CDH8: variants seen among roughly 807,000 people sequenced by gnomAD.
CDH8 encodes the protein cadherin 8.
Under a neutral mutation model 68.1 loss-of-function variants are expected in CDH8, and 17 were observed. The ratio of observed to expected loss-of-function variants is 0.25; its 90% confidence interval spans 0.17 to 0.37. CDH8 has a LOEUF of 0.37. Ranked by LOEUF, CDH8 falls within the 10% of genes least tolerant of loss-of-function variation. The pLI is 1.00. For synonymous variants in CDH8, 372 were observed against 365.1 expected (o/e 1.02, Z -0.21); for missense variants, 763 against 999.3 (o/e 0.76, Z 3.19).
In CDH8 at chr16:61,738,648, T is replaced by C. The variant is rs577935406; in HGVS notation, c.1415-11433A>G. On this transcript the variant is annotated intron_variant, in intron 8 of 11. Transcript: ENST00000577390. ...ATGAGAGACAGTTTATAAAAATCAA[T>C]AGTGTGAATGAGCATGGAACTATTA... Among the ~76,000 whole-genome samples, 12 of 152,254 alleles carry C rather than the reference T, an allele frequency of 7.9e-5. No individual in the cohort carries two copies. The South Asian group carries it at 1.9e-3, about 24-fold the overall frequency.
intron 2 of CDH8, among the ~76,000 whole-genome samples, chr16:61,922,051 C>A (rs1018260487): frequency 6.6e-6 from 1 of 151,974 alleles, no homozygotes; most frequent in Non-Finnish European, 1.5e-5. Context: ...GAGGTCACAT[C>A]GATTCTAAGC....
At chr16:61,817,057 T>C (rs1962091596) in intron 7 of CDH8, among the ~76,000 whole-genome samples, 1 of 152,090 alleles carries the variant, frequency 6.6e-6, no homozygotes, top group African/African-American at 2.4e-5. Context: ...TAAATTCTAA[T>C]ATATAATTCA....
chr16:61,739,734 A>AAAAAGAAAAGAAAAGAAAAGAAAAG (rs529131501), intron 8 of CDH8, among the ~76,000 whole-genome samples: 121 of 142,056 alleles, frequency 8.5e-4, no homozygotes, highest in African/African-American at 2.9e-3. Context: ...CCTCAAAAAA[A>AAAAAGAAAAGAAAAGAAAAGAAAAG]AAAAGAAAAG....
chr16:61,975,914 C>T (rs925438585), intron 2 of CDH8, among the ~76,000 whole-genome samples: 1 of 152,108 alleles, frequency 6.6e-6, no homozygotes, highest in African/African-American at 2.4e-5. Context: ...GAGTGCATGA[C>T]AGTAAGATAA....
At chr16:61,954,587 G>C (rs991428905) in intron 2 of CDH8, among the ~76,000 whole-genome samples, 1 of 151,304 alleles carries the variant, frequency 6.6e-6, no homozygotes, top group Non-Finnish European at 1.5e-5. Context: ...CTGTAGTCCC[G>C]GCTACTCAGG....
chr16:61,933,686 G>A (rs2143495387), intron 2 of CDH8, among the ~76,000 whole-genome samples: 1 of 152,168 alleles, frequency 6.6e-6, no homozygotes, highest in East Asian at 1.9e-4. Flanking sequence ...TAATCTATGT[G>A]CCTGTTTTTT....
At chr16:61,957,817 G>A (rs774736379) in intron 2 of CDH8, among the ~76,000 whole-genome samples, 4 of 151,804 alleles carry the variant, frequency 2.6e-5, no homozygotes, top group African/African-American at 4.8e-5. Context: ...GCTGACCACC[G>A]TACAGAAAGC....
At chr16:61,779,233 C>T (rs1960978925) in intron 8 of CDH8, among the ~76,000 whole-genome samples, 1 of 152,068 alleles carries the variant, frequency 6.6e-6, no homozygotes. Flanking sequence ...TTAAAATGAG[C>T]ATTCAGTGCA....
chr16:61,963,299 A>G (rs1965190680), intron 2 of CDH8, among the ~76,000 whole-genome samples: 1 of 152,184 alleles, frequency 6.6e-6, no homozygotes, highest in African/African-American at 2.4e-5. Flanking sequence ...AATTGACACA[A>G]GGTGTCTAAA....
At chr16:61,722,694 T>C (rs1482985213) in intron 9 of CDH8, among the ~76,000 whole-genome samples, 1 of 150,786 alleles carries the variant, frequency 6.6e-6, no homozygotes, top group African/African-American at 2.4e-5. Flanking sequence ...TTTAGAGCCA[T>C]GATTCTAAGA....
At chr16:61,987,862 T>G (rs73568711) in intron 2 of CDH8, among the ~76,000 whole-genome samples, 1,696 of 152,258 alleles carry the variant, frequency 0.011, 33 homozygotes, top group African/African-American at 0.038. Flanking sequence ...TCAGGCACTT[T>G]GTATGAATTG....
At chr16:61,983,755 T>C (rs1965576979) in intron 2 of CDH8, among the ~76,000 whole-genome samples, 1 of 152,190 alleles carries the variant, frequency 6.6e-6, no homozygotes, top group Admixed American at 6.5e-5. Context: ...TTTCTCACAG[T>C]TCTGGGGACT....
At chr16:62,014,512 C>T (rs755943916) in intron 2 of CDH8, among the ~76,000 whole-genome samples, 5 of 152,134 alleles carry the variant, frequency 3.3e-5, no homozygotes, top group Non-Finnish European at 5.9e-5. Flanking sequence ...GCTGTGACTG[C>T]GTAGTCCAAC....
chr16:61,830,475 G>A (rs937256774), intron 4 of CDH8, among the ~76,000 whole-genome samples: 6 of 151,846 alleles, frequency 4.0e-5, no homozygotes, highest in South Asian at 4.1e-4. Context: ...ATTCTGACTC[G>A]CTATTTGCCA....
intron 2 of CDH8, among the ~76,000 whole-genome samples, chr16:62,001,571 C>T (rs141720357): frequency 8.4e-4 from 128 of 152,244 alleles, no homozygotes; most frequent in African/African-American, 2.4e-3. Context: ...ATTTACATAG[C>T]GATCTTCTCC....
At chr16:61,963,234 C>T (rs1965189956) in intron 2 of CDH8, among the ~76,000 whole-genome samples, 1 of 152,086 alleles carries the variant, frequency 6.6e-6, no homozygotes, top group Non-Finnish European at 1.5e-5. Flanking sequence ...AAACTGGACC[C>T]TAGGCACACC....
intron 3 of CDH8, among the ~76,000 whole-genome samples, chr16:61,873,353 A>G (rs1391959563): frequency 6.6e-6 from 1 of 152,156 alleles, no homozygotes; most frequent in African/African-American, 2.4e-5. Flanking sequence ...AGTGTTTTCT[A>G]AATTGTGGAC....
chr16:61,653,384 A>G lies in CDH8; in HGVS notation c.*224T>C. On this transcript the variant is annotated 3_prime_UTR_variant, in exon 12 of 12. Coordinates refer to ENST00000577390, the MANE Select transcript of CDH8 (RefSeq NM_001796.5). Reference sequence around the variant, plus strand: ...ATCAAATATCCAAGGACTTCTAGACACTCCACATACTTAATTCACACTCCA... The same window carrying G: ...ATCAAATATCCAAGGACTTCTAGACGCTCCACATACTTAATTCACACTCCA... 2.3e-6 allele frequency: 3 copies of G among 1,327,786 alleles called. No individual in the cohort carries two copies. The highest frequency in any genetic ancestry group is 2.9e-6 in the Non-Finnish European group (3 of 1,044,508). The allele number at this position is 1,327,786 out of a possible 1,614,324, so 82.3% of individuals were successfully genotyped here.
rs1469350408 is a variant in CDH8, at chr16:61,919,107, GTC to G, written c.253-17636_253-17635del. ...CAACAGACCTGCAGCTGAGGGTCCT[GTC>G]TGTTAGAAGGAAAACTAACAAACAG... On this transcript the variant is annotated intron_variant, in intron 2 of 11. Transcript: ENST00000577390. 1.2e-4 allele frequency among the ~76,000 whole-genome samples: 18 copies of G among 145,822 alleles called. 2 individuals carry two copies. The highest frequency in any genetic ancestry group is 6.8e-4 in the East Asian group (3 of 4,398).
Sources: gnomAD v4.1 joint callset for allele counts (sites outside exome capture counted in the v4.1 genomes callset) on GRCh38, gnomAD v4.1.1 for gene constraint, MANE v1.5 for transcripts, NCBI Gene and HGNC (gene_info 2026-07-23, HGNC 2026-07-21) for gene names.